Variants in DCAF6 observed in about 807,000 individuals in gnomAD.
DCAF6 encodes DDB1- and CUL4-associated factor 6.
DCAF6 carries 54 observed loss-of-function variants against 125.1 expected under a neutral mutation model. The ratio of observed to expected loss-of-function variants is 0.43; its 90% confidence interval spans 0.35 to 0.54. The LOEUF (loss-of-function observed/expected upper bound fraction) is 0.54, where lower values mean the gene tolerates loss of function less well. DCAF6 is among the 20% of genes least tolerant of loss of function. The pLI, the probability that DCAF6 is intolerant of heterozygous loss-of-function variation, is 0.01. For synonymous variants in DCAF6, 371 were observed against 390.4 expected (o/e 0.95, Z 0.58); for missense variants, 934 against 1,161.7 (o/e 0.80, Z 2.85).
chr1:167,868,099 A>G, the DCAF6 span, among the ~76,000 whole-genome samples: 1 of 152,200 alleles, frequency 6.6e-6, no homozygotes, highest in Non-Finnish European at 1.5e-5. Flanking sequence ...TCTCTCCGGA[A>G]CCAGTATTTC....
intron 21 of DCAF6, 46 bp downstream of exon 21, chr1:168,068,509 A>ATGG: frequency 1.0e-6 from 1 of 970,602 alleles, no homozygotes; most frequent in Non-Finnish European, 1.4e-6. Flanking sequence ...ATATTTGAAA[A>ATGG]TATATTATTA....
the DCAF6 span, among the ~76,000 whole-genome samples, chr1:167,888,809 G>GCGTGCAGTGAGCCGA: frequency 2.2e-4 from 33 of 147,980 alleles, no homozygotes; most frequent in Admixed American, 2.2e-3. Flanking sequence ...CCGGGAGGCG[G>GCGTGCAGTGAGCCGA]AGCGTGCAGT....
At chr1:167,932,808 CAAAAAAAAAAAAAA>C (rs965449372), upstream of DCAF6, among the ~76,000 whole-genome samples, 2 of 54,966 alleles carry the variant, frequency 3.6e-5, no homozygotes, top group Admixed American at 3.7e-4. Context: ...GACTCTGTCT[CAAAAAAAAAAAAAA>C]AAAAAGAAAA....
intron 13 of DCAF6, among the ~76,000 whole-genome samples, chr1:168,039,750 A>G (rs1408832630): frequency 3.4e-5 from 5 of 148,688 alleles, no homozygotes; most frequent in African/African-American, 1.2e-4. Flanking sequence ...TATATGTAAT[A>G]TAATATAGTT....
the DCAF6 span, chr1:167,896,625 T>A: frequency 1.9e-5 from 30 of 1,613,666 alleles, no homozygotes; most frequent in Admixed American, 1.5e-4. Context: ...TAATAATGCA[T>A]GAAGGTCGTA....
intron 4 of DCAF6, among the ~76,000 whole-genome samples, chr1:167,985,303 CTG>C (rs755750426): frequency 1.3e-5 from 2 of 152,014 alleles, no homozygotes; most frequent in Non-Finnish European, 2.9e-5. Context: ...AGTCAGAAGT[CTG>C]AAATAAGGTG....
At chr1:168,065,971 T>G (rs1331751176) in intron 19 of DCAF6, among the ~76,000 whole-genome samples, 2 of 152,224 alleles carry the variant, frequency 1.3e-5, no homozygotes, top group Non-Finnish European at 2.9e-5. Flanking sequence ...TCCCAATATT[T>G]CTTCTAAGTT....
intron 4 of DCAF6, among the ~76,000 whole-genome samples, chr1:167,976,915 T>A (rs1678309531): frequency 7.7e-6 from 1 of 129,166 alleles, no homozygotes; most frequent in Non-Finnish European, 1.7e-5. Context: ...TTTTTTTTTT[T>A]TTTTTGAGAC....
At chr1:167,938,961 C>A (rs540180079) in intron 1 of DCAF6, among the ~76,000 whole-genome samples, 1 of 152,198 alleles carries the variant, frequency 6.6e-6, no homozygotes, top group South Asian at 2.1e-4. Context: ...TGTATACATA[C>A]AGGGAGTTCT....
At chr1:167,943,761 C>G (rs1464880340) in intron 1 of DCAF6, among the ~76,000 whole-genome samples, 1 of 152,162 alleles carries the variant, frequency 6.6e-6, no homozygotes, top group African/African-American at 2.4e-5. Flanking sequence ...GAACATCATA[C>G]TTGTCTTTGT....
intron 5 of DCAF6, among the ~76,000 whole-genome samples, chr1:167,990,040 A>G (rs1229860847): frequency 1.3e-5 from 2 of 152,136 alleles, no homozygotes; most frequent in Non-Finnish European, 2.9e-5. Context: ...GTTTGTATTT[A>G]TATGTGTACT....
At chr1:167,904,852 G>A in the DCAF6 span, 1 of 1,081,954 alleles carries the variant, frequency 9.2e-7, no homozygotes, top group South Asian at 1.3e-5. Context: ...CCTCCCTCTT[G>A]TGTTCTCAGT....
intron 3 of DCAF6, among the ~76,000 whole-genome samples, chr1:167,967,443 A>C (rs1676584819): frequency 1.3e-5 from 2 of 152,216 alleles, no homozygotes; most frequent in Non-Finnish European, 2.9e-5. Flanking sequence ...GTTTCAGAGA[A>C]ATTAAGATAC....
At chr1:167,964,812 T>G (rs1022965071) in intron 2 of DCAF6, among the ~76,000 whole-genome samples, 6 of 152,222 alleles carry the variant, frequency 3.9e-5, no homozygotes, top group Non-Finnish European at 7.3e-5. Flanking sequence ...GTTTCCTCAA[T>G]TGTGTCTAGT....
At chr1:167,975,479 T>C (rs1678008161) in intron 4 of DCAF6, among the ~76,000 whole-genome samples, 1 of 152,216 alleles carries the variant, frequency 6.6e-6, no homozygotes, top group African/African-American at 2.4e-5. Flanking sequence ...CTGAGCTGAA[T>C]TAAATAAGGT....
At chr1:167,962,882 G>A (rs1047208133) in intron 2 of DCAF6, among the ~76,000 whole-genome samples, 4 of 152,312 alleles carry the variant, frequency 2.6e-5, no homozygotes, top group Non-Finnish European at 5.9e-5. Flanking sequence ...TTGAACCCAG[G>A]AGGCAGAGGG....
the DCAF6 span, among the ~76,000 whole-genome samples, chr1:167,893,310 G>T: frequency 6.6e-6 from 1 of 152,128 alleles, no homozygotes; most frequent in Non-Finnish European, 1.5e-5. Flanking sequence ...ATTATATAAG[G>T]CAACGCAGTC....
At chr1:167,940,778 C>T (rs1348377233) in intron 1 of DCAF6, among the ~76,000 whole-genome samples, 5 of 151,810 alleles carry the variant, frequency 3.3e-5, no homozygotes, top group Non-Finnish European at 7.4e-5. Flanking sequence ...ACTTTCTAAC[C>T]CTTCTAAATT....
intron 3 of DCAF6, among the ~76,000 whole-genome samples, chr1:167,967,714 CTTTTTTT>C (rs552208317): frequency 2.8e-4 from 21 of 74,576 alleles, no homozygotes; most frequent in African/African-American, 9.0e-4. Context: ...TTTCCTGTAT[CTTTTTTT>C]TTTTTTTTTT....
Sources: gnomAD v4.1 joint callset for allele counts (sites outside exome capture counted in the v4.1 genomes callset) on GRCh38, gnomAD v4.1.1 for gene constraint, MANE v1.5 for transcripts, NCBI Gene and HGNC (gene_info 2026-07-23, HGNC 2026-07-21) for gene names.